The following ZNF398 variants were observed in gnomAD, a reference collection of about 807,000 sequenced individuals.
The protein encoded by ZNF398 is zinc finger DNA binding protein ZER6.
ZNF398 carries 18 observed loss-of-function variants against 41.9 expected under a neutral mutation model. The observed-to-expected ratio is 0.43, with a 90% CI of 0.30 to 0.64. ZNF398 has a LOEUF of 0.64. Ranked by LOEUF, ZNF398 falls within the 30% of genes least tolerant of loss-of-function variation. The pLI, the probability that ZNF398 is intolerant of heterozygous loss-of-function variation, is 0.14. For missense variants in ZNF398, 669 were observed against 822.8 expected, an observed-to-expected ratio of 0.81 and a Z score of 2.29; for synonymous variants, 260 against 308.8, an observed-to-expected ratio of 0.84 and a Z score of 1.66.
At chr7:149,162,530 A>G (rs913670830) in intron 2 of ZNF398, among the ~76,000 whole-genome samples, 9 of 152,048 alleles carry the variant, frequency 5.9e-5, no homozygotes, top group South Asian at 4.2e-4. Flanking sequence ...GGATCTCACT[A>G]TGTTGTCCAG....
In ZNF398 at chr7:149,147,785, G is replaced by T. The variant is rs1826990939; in HGVS notation, c.24+19G>T. ...GGCCCCGGTAAGGGCGGCCGCGCGC[G>T]AGTGTTGTGAGCCCCCGAGACCCAG... is the stretch of plus-strand genomic sequence containing the variant. On this transcript the variant is annotated intron_variant, in intron 1 of 5. Coordinates refer to ENST00000475153, the MANE Select transcript of ZNF398 (RefSeq NM_170686.3). The surrounding 1 kb of genome is among the most constrained non-coding windows in gnomAD (Gnocchi z 5.6). 9 of 1,396,026 alleles carry T rather than the reference G, an allele frequency of 6.4e-6. No homozygotes were observed. The highest frequency in any genetic ancestry group is 8.4e-6 in the Non-Finnish European group (9 of 1,072,410). The allele number at this position is 1,396,026 out of a possible 1,614,324, so 86.5% of individuals were successfully genotyped here.
At chr7:149,160,036 T>A (rs2129520760) in intron 2 of ZNF398, among the ~76,000 whole-genome samples, 1 of 150,042 alleles carries the variant, frequency 6.7e-6, no homozygotes, top group South Asian at 2.1e-4. Flanking sequence ...AGTGTGAAAC[T>A]TTGATACATT....
At chr7:149,152,859 T>C (rs1198540621) in intron 1 of ZNF398, among the ~76,000 whole-genome samples, 3 of 148,752 alleles carry the variant, frequency 2.0e-5, no homozygotes, top group Non-Finnish European at 4.5e-5. Context: ...GTGCCCAGCC[T>C]CTTTTTTTTT....
intron 1 of ZNF398, among the ~76,000 whole-genome samples, chr7:149,149,642 A>G (rs1827061437): frequency 6.6e-6 from 1 of 151,900 alleles, no homozygotes; most frequent in South Asian, 2.1e-4. Context: ...GTTGAAGACC[A>G]GCCTGGGCAA....
At chr7:149,126,482 C>CA (rs1826480246) in exon 1 of ZNF398, 1 of 548,006 alleles carries the variant, frequency 1.8e-6, no homozygotes, top group Non-Finnish European at 3.1e-6. Flanking sequence ...TTTGAGGGAC[C>CA]CTTGGACTCC....
intron 2 of ZNF398, among the ~76,000 whole-genome samples, chr7:149,137,925 C>T (rs530369759): frequency 3.9e-5 from 6 of 152,122 alleles, no homozygotes; most frequent in Non-Finnish European, 5.9e-5. Flanking sequence ...TTTGGCTGGG[C>T]GCAGTGGCTC....
At chr7:149,172,252 GAAATAATTTATAAGTTTT>G (rs1171601384) in intron 4 of ZNF398, among the ~76,000 whole-genome samples, 1 of 152,222 alleles carries the variant, frequency 6.6e-6, no homozygotes, top group East Asian at 1.9e-4. Flanking sequence ...GAAAATTCCA[GAAATAATTTATAAGTTTT>G]AAGTTTGCCA....
chr7:149,138,762 T>C (rs1008782858), intron 2 of ZNF398, among the ~76,000 whole-genome samples: 1 of 152,204 alleles, frequency 6.6e-6, no homozygotes, highest in Non-Finnish European at 1.5e-5. Flanking sequence ...CCTTTGTCTT[T>C]ATACAACCCT....
rs982829410 is a variant in ZNF398 at position 149,154,239 on chromosome 7, G to A, written c.319G>A (p.Gly107Arg). 5.6e-6 allele frequency: 9 copies of A among 1,614,010 alleles called. No homozygotes were observed. The East Asian group carries it at 6.7e-5, about 12-fold the overall frequency. Residue 107 changes from glycine (G) to arginine (R), a missense_variant, in exon 2 of 6, where the codon GGG becomes AGG. Transcript: ENST00000475153. The stretch of plus-strand genomic sequence containing the variant: ...GCTGGGAACCCTGCTGCAGGAGTAC[G>A]GGCTGCTGCAGAGGCGGCTGGAGAA... ...AVLGTLLQEY[G>R]LLQRRLENLE...
At chr7:149,153,175 A>T (rs1047349442) in intron 1 of ZNF398, among the ~76,000 whole-genome samples, 13 of 152,056 alleles carry the variant, frequency 8.5e-5, no homozygotes, top group Admixed American at 6.6e-4. Flanking sequence ...CTTTTTTTGA[A>T]TAGTTCAACA....
chr7:149,171,405 G>C (rs955553388), intron 4 of ZNF398, among the ~76,000 whole-genome samples: 1 of 151,490 alleles, frequency 6.6e-6, no homozygotes, highest in Admixed American at 6.6e-5. Flanking sequence ...GTCTTGCCCT[G>C]TCGCCCAGGC....
chr7:149,133,371 C>G (rs1826636650), intron 2 of ZNF398, among the ~76,000 whole-genome samples: 3 of 151,904 alleles, frequency 2.0e-5, no homozygotes, highest in Admixed American at 2.0e-4. Context: ...ACCCCAGCCT[C>G]CCAAAGTGCT....
chr7:149,152,851 G>A (rs1315584301), intron 1 of ZNF398, among the ~76,000 whole-genome samples: 2 of 148,938 alleles, frequency 1.3e-5, no homozygotes, highest in Non-Finnish European at 3.0e-5. Flanking sequence ...CACCCACCGT[G>A]CCCAGCCTCT....
In ZNF398 at chr7:149,149,075, G is replaced by A. The variant is rs2129520099; in HGVS notation, c.24+1309G>A. 4.0e-5 allele frequency among the ~76,000 whole-genome samples: 6 copies of A among 151,258 alleles called. No individual in the cohort carries two copies. The East Asian group carries it at 9.7e-4, about 24-fold the overall frequency. On this transcript the variant is annotated intron_variant, in intron 1 of 5. Coordinates refer to ENST00000475153, the MANE Select transcript of ZNF398 (RefSeq NM_170686.3). ...TCCCAGCTAGGCCGGGGGCTGAGGC[G>A]GAAGAATCACTTGAGTCCAGGAGTT...
chr7:149,141,921 A>G (rs1826834795), intron 2 of ZNF398, among the ~76,000 whole-genome samples: 1 of 152,154 alleles, frequency 6.6e-6, no homozygotes, highest in Admixed American at 6.6e-5. Context: ...TGCTTTTAGT[A>G]AGACAAGTTA....
intron 4 of ZNF398, among the ~76,000 whole-genome samples, chr7:149,175,912 T>C (rs998034440): frequency 2.6e-5 from 4 of 152,150 alleles, no homozygotes; most frequent in African/African-American, 7.2e-5. Flanking sequence ...TCTTGAACTC[T>C]TGACCTCAAA....
intron 5 of ZNF398, among the ~76,000 whole-genome samples, chr7:149,178,133 GAC>G (rs1795502015): frequency 6.6e-6 from 1 of 152,078 alleles, no homozygotes; most frequent in African/African-American, 2.4e-5. Context: ...CTACTAAAAA[GAC>G]AAAAAAATTA....
chr7:149,128,780 T>TAAAATAATATA (rs71192757), intron 1 of ZNF398: 1 of 143,420 alleles, frequency 7.0e-6, no homozygotes, highest in Non-Finnish European at 1.5e-5. Flanking sequence ...TAAAATAAAA[T>TAAAATAATATA]TATATATATA....
chr7:149,147,711 CT>C lies in ZNF398; in HGVS notation c.-30del. ...GTGGCAGCGGCGGCAGCGGCGGCGA[CT>C]TCCGAGGCCCGGGCTAGACAGCGCA... is the stretch of plus-strand genomic sequence containing the variant. On this transcript the variant is annotated 5_prime_UTR_variant, in exon 1 of 6. Coordinates refer to ENST00000475153, the MANE Select transcript of ZNF398 (RefSeq NM_170686.3). This position sits in a 1 kb window ranked among gnomAD's most constrained non-coding sequence, Gnocchi z 5.6. 1 of 1,291,842 alleles carries C rather than the reference CT, an allele frequency of 7.7e-7. No individual in the cohort carries two copies. Among genetic ancestry groups the C allele is most frequent in the Non-Finnish European group, 9.8e-7 (1 of 1,022,482 alleles). The allele number at this position is 1,291,842 out of a possible 1,614,324, so 80.0% of individuals were successfully genotyped here.
Sources: gnomAD v4.1 joint callset for allele counts (sites outside exome capture counted in the v4.1 genomes callset) on GRCh38, gnomAD v4.1.1 for gene constraint, Gnocchi (gnomAD v3.1) non-coding constraint, MANE v1.5 for transcripts, NCBI Gene and HGNC (gene_info 2026-07-23, HGNC 2026-07-21) for gene names.